Variants in NR6A1 observed in about 807,000 individuals in gnomAD.
NR6A1 encodes the protein retinoic acid receptor-related testis-associated receptor.
A neutral mutation model predicts 59.1 loss-of-function variants in NR6A1; 7 were observed. The observed-to-expected ratio is 0.12, with a 90% CI of 0.07 to 0.22. The LOEUF is 0.22. NR6A1 is among the 10% of genes least tolerant of loss of function. NR6A1 has a pLI of 1.00. For missense variants in NR6A1, 468 were observed against 611.6 expected (o/e 0.77, Z 2.48); for synonymous variants, 243 against 236.1 (o/e 1.03, Z -0.27).
chr9:124,757,445 T>C (rs1233852999), intron 1 of NR6A1, among the ~76,000 whole-genome samples: 1 of 140,194 alleles, frequency 7.1e-6, no homozygotes, highest in East Asian at 2.0e-4. Flanking sequence ...GTATATACTG[T>C]ATGACTAAAA....
intron 1 of NR6A1, among the ~76,000 whole-genome samples, chr9:124,743,527 T>C (rs946450817): frequency 1.3e-5 from 2 of 152,160 alleles, no homozygotes; most frequent in African/African-American, 4.8e-5. Context: ...AGTACACGAG[T>C]GTCTATATTT....
At chr9:124,711,070 C>T (rs1839265568) in intron 2 of NR6A1, among the ~76,000 whole-genome samples, 1 of 151,492 alleles carries the variant, frequency 6.6e-6, no homozygotes, top group African/African-American at 2.4e-5. Context: ...GCGCATCTAT[C>T]ATCCTTACTC....
In NR6A1 at chr9:124,554,574, AT is replaced by A; in HGVS notation, c.143-5del. ...GCCCGATCATCTGAAACAGAAACTGATCATGTTCAAGTTAGAACACAGTGGA... is the reference window on the plus strand; with the variant it reads ...GCCCGATCATCTGAAACAGAAACTGACATGTTCAAGTTAGAACACAGTGGA... On this transcript the variant is annotated splice_polypyrimidine_tract_variant and splice_region_variant and intron_variant, in intron 2 of 9. Transcript: ENST00000487099. 6.2e-7 allele frequency: 1 copy of A among 1,614,218 alleles called. No homozygotes were observed. Among genetic ancestry groups the A allele is most frequent in the South Asian group, 1.1e-5 (1 of 91,084 alleles).
chr9:124,703,206 C>G (rs867402518), intron 2 of NR6A1, among the ~76,000 whole-genome samples: 1 of 133,394 alleles, frequency 7.5e-6, no homozygotes, highest in African/African-American at 3.0e-5. Context: ...CACACGGCCA[C>G]ATTTTTTTTT....
intron 2 of NR6A1, among the ~76,000 whole-genome samples, chr9:124,627,318 T>TA (rs140692601): frequency 0.018 from 2,715 of 152,198 alleles, 82 homozygotes; most frequent in African/African-American, 0.062. Context: ...AGCCCCGCCT[T>TA]AAAAAACAAA....
At chr9:124,714,017 T>C (rs1399473502) in intron 2 of NR6A1, among the ~76,000 whole-genome samples, 2 of 152,134 alleles carry the variant, frequency 1.3e-5, no homozygotes, top group African/African-American at 4.8e-5. Flanking sequence ...GGTGAATGGA[T>C]CAACAAAATG....
At chr9:124,701,747 G>T (rs1838958904) in intron 2 of NR6A1, among the ~76,000 whole-genome samples, 1 of 152,024 alleles carries the variant, frequency 6.6e-6, no homozygotes. Flanking sequence ...TTTTGAGTCG[G>T]AGTTTCGCTC....
chr9:124,524,622 T>C, intron 9 of NR6A1, 99 bp downstream of exon 9: 2 of 1,375,500 alleles, frequency 1.5e-6, no homozygotes, highest in East Asian at 2.3e-5. Context: ...CAGTTGGTGA[T>C]GGGCTGGAAA....
intron 3 of NR6A1, among the ~76,000 whole-genome samples, chr9:124,546,162 T>C (rs1031519182): frequency 2.0e-5 from 3 of 152,170 alleles, no homozygotes; most frequent in African/African-American, 7.2e-5. Flanking sequence ...AGTAACAAAA[T>C]ACGTATATGA....
chr9:124,635,792 T>G (rs572866923), intron 2 of NR6A1, among the ~76,000 whole-genome samples: 1 of 152,206 alleles, frequency 6.6e-6, no homozygotes, highest in Non-Finnish European at 1.5e-5. Flanking sequence ...GTTGCTCCCA[T>G]GTTTTGGCAA....
At chr9:124,540,321 G>A in intron 4 of NR6A1, 134 bp from the exon 5 acceptor site, 6 of 957,036 alleles carry the variant, frequency 6.3e-6, no homozygotes, top group Non-Finnish European at 7.6e-6. Flanking sequence ...CATATTCCGG[G>A]CCTCTCACTA....
intron 2 of NR6A1, among the ~76,000 whole-genome samples, chr9:124,722,180 G>A (rs138435663): frequency 2.0e-4 from 31 of 152,268 alleles, no homozygotes; most frequent in Non-Finnish European, 3.4e-4. Context: ...CAATAAGTGC[G>A]TTAAATGAAC....
chr9:124,529,252 G>A (rs760243390), intron 7 of NR6A1, among the ~76,000 whole-genome samples: 2 of 152,216 alleles, frequency 1.3e-5, no homozygotes, highest in South Asian at 2.1e-4. Context: ...TGCTACCTGC[G>A]AGGCACATTA....
intron 7 of NR6A1, among the ~76,000 whole-genome samples, chr9:124,527,536 A>G (rs1422017668): frequency 2.6e-5 from 4 of 152,238 alleles, no homozygotes; most frequent in Admixed American, 6.5e-5. Context: ...GCATTATCAC[A>G]TTTAATTCTC....
Position 124,730,430 on chromosome 9 carries a change from T to C in NR6A1, c.142+2878A>G, listed in dbSNP as rs114414600. Reference sequence around the variant, plus strand: ...TTCTTTGCAGAGACGGGGCTCCCTATGTTGCCCAGGCTGGTCTCAAACTCC... The same window carrying C: ...TTCTTTGCAGAGACGGGGCTCCCTACGTTGCCCAGGCTGGTCTCAAACTCC... On this transcript the variant is annotated intron_variant, in intron 2 of 9. Coordinates refer to ENST00000487099, the MANE Select transcript of NR6A1 (RefSeq NM_033334.4). 1.3e-3 allele frequency among the ~76,000 whole-genome samples: 191 copies of C among 152,186 alleles called. 1 individual carries two copies. The highest frequency in any genetic ancestry group is 4.2e-3 in the African/African-American group (176 of 41,526).
intron 1 of NR6A1, among the ~76,000 whole-genome samples, chr9:124,752,550 C>G (rs143006027): frequency 1.3e-5 from 2 of 152,074 alleles, no homozygotes; most frequent in African/African-American, 2.4e-5. Context: ...CTTTAATGCA[C>G]TTGAGATAAC....
intron 2 of NR6A1, among the ~76,000 whole-genome samples, chr9:124,696,461 A>G (rs1464604188): frequency 1.3e-5 from 2 of 151,760 alleles, no homozygotes; most frequent in Non-Finnish European, 2.9e-5. Flanking sequence ...AGATACTTAA[A>G]ATGCATGTAT....
At chr9:124,591,305 G>A (rs759675874) in intron 2 of NR6A1, among the ~76,000 whole-genome samples, 4 of 152,096 alleles carry the variant, frequency 2.6e-5, no homozygotes, top group East Asian at 1.9e-4. Context: ...TTCCCATAGC[G>A]GTCCTGTGAG....
At chr9:124,662,100 G>A (rs530160899) in intron 2 of NR6A1, among the ~76,000 whole-genome samples, 5 of 151,980 alleles carry the variant, frequency 3.3e-5, no homozygotes, top group Non-Finnish European at 5.9e-5. Context: ...AACCAAGGAT[G>A]AGAAAAGAGG....
Sources: allele counts gnomAD v4.1 joint callset (sites outside exome capture counted in the v4.1 genomes callset), GRCh38; gene constraint gnomAD v4.1.1; transcripts MANE v1.5; gene names NCBI Gene and HGNC (gene_info 2026-07-23, HGNC 2026-07-21).